The following ANKRD44 variants were observed in gnomAD, a reference collection of about 807,000 sequenced individuals.
The protein encoded by ANKRD44 is ankyrin repeat domain 44.
Under a neutral mutation model 116.0 loss-of-function variants are expected in ANKRD44, and 35 were observed. The ratio of observed to expected loss-of-function variants is 0.30; its 90% confidence interval spans 0.23 to 0.40. The LOEUF is 0.40. Ranked by LOEUF, ANKRD44 falls within the 10% of genes least tolerant of loss-of-function variation. The pLI is 1.00. For missense variants in ANKRD44, 1,014 were observed against 1,242.6 expected (o/e 0.82, Z 2.77); for synonymous variants, 435 against 461.8 (o/e 0.94, Z 0.74).
chr2:196,979,554 C>CTTTT lies in ANKRD44; in HGVS notation c.2369-12112_2369-12109dup, dbSNP rs71012942. Among the ~76,000 whole-genome samples, 101 of 59,640 alleles carry CTTTT rather than the reference C, an allele frequency of 1.7e-3. 5 individuals are homozygous for CTTTT. The East Asian group carries it at 0.025, about 15-fold the overall frequency. The allele number at this position is 59,640 out of a possible 152,430, so 39.1% of individuals were successfully genotyped here. A position where few individuals can be genotyped will look rare whatever the true frequency, so the allele number is the denominator to read the frequency against. The stretch of plus-strand genomic sequence containing the variant: ...CAGCCTGAGTAATTTAATAAGATGA[C>CTTTT]TTTTTTTTTTTTTTTTTTTTTTTTT... On this transcript the variant is annotated intron_variant, in intron 21 of 21. Transcript: ENST00000424317.
downstream of ANKRD44, among the ~76,000 whole-genome samples, chr2:196,982,776 T>G (rs952732048): frequency 1.3e-5 from 2 of 152,088 alleles, no homozygotes; most frequent in Non-Finnish European, 2.9e-5. Flanking sequence ...GCAGCCAGAG[T>G]GATCTTTTAA....
chr2:196,979,664 G>C (rs2075787085), intron 21 of ANKRD44, among the ~76,000 whole-genome samples: 1 of 143,702 alleles, frequency 7.0e-6, no homozygotes, highest in Non-Finnish European at 1.5e-5. Context: ...CCCAATTCAA[G>C]TGATTCTCCT....
chr2:196,975,828 AGAAAGAAAGAAAGAAG>A (rs1255101810), intron 21 of ANKRD44, among the ~76,000 whole-genome samples: 3 of 149,342 alleles, frequency 2.0e-5, no homozygotes, highest in Non-Finnish European at 3.0e-5. Context: ...AAAGAAAGAA[AGAAAGAAAGAAAGAAG>A]GAAAGAAGGA....
rs1470719774 is a variant in ANKRD44, at chr2:197,138,812, G to C, written c.191-2150C>G. Among the ~76,000 whole-genome samples the C allele has an allele frequency of 3.3e-5, 5 of 152,260 alleles. No homozygotes were observed. The East Asian group carries it at 9.6e-4, about 29-fold the overall frequency. ...ATCACTCAGACCATATGCAGTCCTAGAGAGCTGGAATTATTTTTATTATAG... is the reference window on the plus strand; with the variant it reads ...ATCACTCAGACCATATGCAGTCCTACAGAGCTGGAATTATTTTTATTATAG... On this transcript the variant is annotated intron_variant, in intron 3 of 27. Coordinates refer to ENST00000282272, the MANE Select transcript of ANKRD44 (RefSeq NM_001195144.2).
chr2:197,130,927 T>C (rs2079080292), intron 4 of ANKRD44, among the ~76,000 whole-genome samples: 3 of 152,244 alleles, frequency 2.0e-5, no homozygotes, highest in African/African-American at 7.2e-5. Flanking sequence ...AGATGTGCTT[T>C]ATTGGCTAGA....
chr2:196,993,500 C>A, intron 27 of ANKRD44, 83 bp downstream of exon 27: 1 of 1,136,186 alleles, frequency 8.8e-7, no homozygotes. Flanking sequence ...GCCTTTTATA[C>A]TAGCTCCTAT....
chr2:196,969,431 C>G (rs2075698855), intron 21 of ANKRD44, among the ~76,000 whole-genome samples: 1 of 152,014 alleles, frequency 6.6e-6, no homozygotes, highest in Non-Finnish European at 1.5e-5. Context: ...TTTTATACCA[C>G]TTTTTATTCT....
chr2:197,146,913 C>T (rs2079519025), intron 3 of ANKRD44, 114 bp downstream of exon 3: 1 of 769,980 alleles, frequency 1.3e-6, no homozygotes, highest in Non-Finnish European at 2.0e-6. Flanking sequence ...ATCACATAAA[C>T]TTCCATGAAC....
Position 197,125,427 on chromosome 2 carries a change from T to C in ANKRD44, c.504A>G (p.Ala168=). The change falls in exon 6 of 28, where the codon GCA becomes GCG. Residue 168 remains alanine, a synonymous_variant. Transcript: ENST00000282272. The part of the protein sequence containing the change: ...LLLAKGANIN[A]FDKKDRRALH... ...GAGCACGCCGGTCCTTCTTGTCAAA[T>C]GCATTGATATTTGCCCCTTTGGCCA... The C allele has an allele frequency of 6.2e-7, 1 of 1,614,140 alleles. No homozygotes were observed. Among genetic ancestry groups the C allele is most frequent in the Non-Finnish European group, 8.5e-7 (1 of 1,180,046 alleles).
At chr2:197,190,782 C>T (rs927606197) in intron 1 of ANKRD44, among the ~76,000 whole-genome samples, 1 of 152,216 alleles carries the variant, frequency 6.6e-6, no homozygotes, top group African/African-American at 2.4e-5. Context: ...ACCATCATAA[C>T]TTTTGCAGCT....
At chr2:197,219,957 G>T (rs1191426134) in intron 1 of ANKRD44, among the ~76,000 whole-genome samples, 3 of 152,116 alleles carry the variant, frequency 2.0e-5, no homozygotes, top group Non-Finnish European at 4.4e-5. Flanking sequence ...ATTTTAACAA[G>T]CTATAGAAGG....
chr2:197,035,337 C>A (rs565337521), intron 16 of ANKRD44, among the ~76,000 whole-genome samples: 1 of 152,200 alleles, frequency 6.6e-6, no homozygotes, highest in East Asian at 1.9e-4. Context: ...AGCTAATCTA[C>A]ACCAGTTTTA....
chr2:197,020,973 G>A (rs972881331), intron 17 of ANKRD44, among the ~76,000 whole-genome samples: 1 of 151,910 alleles, frequency 6.6e-6, no homozygotes, highest in Non-Finnish European at 1.5e-5. Flanking sequence ...GACAGGCCCA[G>A]TGTGTGATGT....
chr2:196,973,214 C>G (rs1361624558), intron 21 of ANKRD44, among the ~76,000 whole-genome samples: 1 of 152,034 alleles, frequency 6.6e-6, no homozygotes, highest in African/African-American at 2.4e-5. Flanking sequence ...ATAAAATATA[C>G]TTTTTGAATA....
intron 20 of ANKRD44, among the ~76,000 whole-genome samples, chr2:197,006,549 T>C (rs2076206536): frequency 1.3e-5 from 2 of 152,150 alleles, no homozygotes; most frequent in Middle Eastern, 3.2e-3. Flanking sequence ...TCAGTTCGCC[T>C]CTCCATCCCT....
chr2:197,050,570 C>T (rs1237274838), intron 16 of ANKRD44, among the ~76,000 whole-genome samples: 1 of 151,744 alleles, frequency 6.6e-6, no homozygotes, highest in Non-Finnish European at 1.5e-5. Flanking sequence ...TTACAGGTGC[C>T]CACTATCACG....
intron 1 of ANKRD44, among the ~76,000 whole-genome samples, chr2:197,258,209 T>G (rs1163880981): frequency 6.6e-6 from 1 of 151,514 alleles, no homozygotes; most frequent in Non-Finnish European, 1.5e-5. Flanking sequence ...CAAGCAGTTC[T>G]CTTGCCTCAG....
At chr2:197,258,383 G>A (rs1279005152) in intron 1 of ANKRD44, among the ~76,000 whole-genome samples, 1 of 146,148 alleles carries the variant, frequency 6.8e-6, no homozygotes, top group East Asian at 2.0e-4. Context: ...TTGGCCTCCT[G>A]AAGTGCTGGG....
intron 1 of ANKRD44, among the ~76,000 whole-genome samples, chr2:197,239,081 C>G (rs1404446491): frequency 1.3e-5 from 2 of 152,142 alleles, no homozygotes; most frequent in Admixed American, 6.5e-5. Flanking sequence ...ACTTCATGAT[C>G]CACAATGGCT....
Sources: gnomAD v4.1 joint callset for allele counts (sites outside exome capture counted in the v4.1 genomes callset) on GRCh38, gnomAD v4.1.1 for gene constraint, MANE v1.5 for transcripts, NCBI Gene and HGNC (gene_info 2026-07-23, HGNC 2026-07-21) for gene names.